DLGAP2: variants seen among roughly 807,000 people sequenced by gnomAD.
DLGAP2 encodes DLG associated protein 2.
DLGAP2 carries 26 observed loss-of-function variants against 100.3 expected under a neutral mutation model. The ratio of observed to expected loss-of-function variants is 0.26; its 90% CI spans 0.19 to 0.36. DLGAP2 has a LOEUF of 0.36. DLGAP2 is among the 10% of genes least tolerant of loss of function. The pLI, the probability that DLGAP2 is intolerant of heterozygous loss-of-function variation, is 1.00. For synonymous variants in DLGAP2, 886 were observed against 630.1 expected (o/e 1.41, Z -6.08); for missense variants, 1,858 against 1,453.2 (o/e 1.28, Z -4.53).
intron 2 of DLGAP2, among the ~76,000 whole-genome samples, chr8:952,850 T>C (rs1448905030): frequency 6.6e-6 from 1 of 152,186 alleles, no homozygotes; most frequent in Non-Finnish European, 1.5e-5. Context: ...CATGTTATTT[T>C]GGTTCAGGTA....
At chr8:1,091,149 C>G (rs1804167228) in intron 2 of DLGAP2, among the ~76,000 whole-genome samples, 1 of 152,176 alleles carries the variant, frequency 6.6e-6, no homozygotes, top group Admixed American at 6.5e-5. Context: ...ACAGCCCACC[C>G]CGGTTCTCTC....
chr8:878,291 G>A (rs1039889848), intron 1 of DLGAP2, among the ~76,000 whole-genome samples: 1 of 152,168 alleles, frequency 6.6e-6, no homozygotes, highest in African/African-American at 2.4e-5. Flanking sequence ...CAGAGCTAGA[G>A]TGTTTAGTTT....
chr8:1,457,776 C>G (rs974434254), intron 3 of DLGAP2, among the ~76,000 whole-genome samples: 1 of 151,868 alleles, frequency 6.6e-6, no homozygotes, highest in African/African-American at 2.4e-5. Flanking sequence ...GAAGGTTGCC[C>G]TTCCTCCCTC....
intron 2 of DLGAP2, among the ~76,000 whole-genome samples, chr8:1,164,359 T>G (rs1287262269): frequency 2.6e-5 from 4 of 151,734 alleles, no homozygotes; most frequent in African/African-American, 9.6e-5. Flanking sequence ...GCCCGTCGTT[T>G]TGGTTTGTGG....
At chr8:1,488,232 G>A (rs539474621) in intron 3 of DLGAP2, among the ~76,000 whole-genome samples, 9 of 152,146 alleles carry the variant, frequency 5.9e-5, no homozygotes, top group East Asian at 5.8e-4. Flanking sequence ...ACTCCCACCC[G>A]GCAGTTCACA....
chr8:771,569 C>G (rs1821361541), intron 1 of DLGAP2, among the ~76,000 whole-genome samples: 1 of 152,146 alleles, frequency 6.6e-6, no homozygotes, highest in Non-Finnish European at 1.5e-5. Context: ...ACTTTCAGTT[C>G]CAAATTAAAA....
chr8:1,123,402 G>T, intron 2 of DLGAP2, among the ~76,000 whole-genome samples: 1 of 152,192 alleles, frequency 6.6e-6, no homozygotes, highest in East Asian at 1.9e-4. Flanking sequence ...CACCCGGTCA[G>T]AATGAGACAC....
chr8:1,470,798 CT>C (rs1798764960), intron 3 of DLGAP2, among the ~76,000 whole-genome samples: 1 of 114,966 alleles, frequency 8.7e-6, no homozygotes, highest in Non-Finnish European at 1.9e-5. Flanking sequence ...TTCCCGACCC[CT>C]CCAGCCTTTC....
intron 3 of DLGAP2, among the ~76,000 whole-genome samples, chr8:1,382,854 TC>T (rs34689476): frequency 2.6e-5 from 4 of 151,890 alleles, no homozygotes; most frequent in African/African-American, 9.7e-5. Flanking sequence ...CTTTAGTATA[TC>T]CCCCCCAAAA....
At chr8:785,346 C>G (rs1034169154) in intron 1 of DLGAP2, among the ~76,000 whole-genome samples, 4 of 151,376 alleles carry the variant, frequency 2.6e-5, no homozygotes, top group African/African-American at 9.7e-5. Flanking sequence ...AAGCGGAGCT[C>G]TCATGAGGCA....
At chr8:768,395 A>G (rs531251129) in intron 1 of DLGAP2, among the ~76,000 whole-genome samples, 1 of 149,792 alleles carries the variant, frequency 6.7e-6, no homozygotes, top group African/African-American at 2.5e-5. Context: ...GGACTTCAGC[A>G]TGAACCAGGA....
intron 2 of DLGAP2, among the ~76,000 whole-genome samples, chr8:1,249,657 C>G (rs182544387): frequency 1.1e-4 from 16 of 152,236 alleles, no homozygotes; most frequent in African/African-American, 3.6e-4. Flanking sequence ...GCTGATTATT[C>G]ACACACAGCT....
intron 3 of DLGAP2, among the ~76,000 whole-genome samples, chr8:1,450,401 C>T (rs533833747): frequency 3.8e-5 from 5 of 131,498 alleles, no homozygotes; most frequent in African/African-American, 1.5e-4. Flanking sequence ...TGGGCGGCCT[C>T]GGTGGCTGAG....
intron 1 of DLGAP2, among the ~76,000 whole-genome samples, chr8:767,725 G>A (rs576369411): frequency 2.6e-5 from 4 of 152,282 alleles, no homozygotes; most frequent in East Asian, 1.9e-4. Context: ...ATATTTCTAC[G>A]GAGGTAGTGA....
intron 4 of DLGAP2, among the ~76,000 whole-genome samples, chr8:1,510,598 G>A (rs146732853): frequency 4.6e-5 from 7 of 152,308 alleles, no homozygotes; most frequent in African/African-American, 1.7e-4. Flanking sequence ...TGGTCAATAT[G>A]CTTAACGCCA....
intron 2 of DLGAP2, among the ~76,000 whole-genome samples, chr8:1,108,320 A>C (rs1563196468): frequency 6.6e-6 from 1 of 152,174 alleles, no homozygotes; most frequent in African/African-American, 2.4e-5. Context: ...AATTTCTGAA[A>C]GTTAACCACT....
At chr8:739,608 A>G (rs1820431092) in intron 1 of DLGAP2, 1 of 152,252 alleles carries the variant, frequency 6.6e-6, no homozygotes, top group Admixed American at 6.5e-5. Flanking sequence ...AAAAAATGGT[A>G]ATTCTTGGCA....
intron 2 of DLGAP2, among the ~76,000 whole-genome samples, chr8:1,196,015 A>T (rs1307089329): frequency 6.6e-6 from 1 of 152,190 alleles, no homozygotes; most frequent in Non-Finnish European, 1.5e-5. Flanking sequence ...GAGCAGAGTT[A>T]AGCTTCTCTC....
rs541942838 is a variant in DLGAP2 at position 752,364 on chromosome 8, C to T, written c.18+14539C>T. Among the ~76,000 whole-genome samples the T allele has an allele frequency of 3.9e-5, 6 of 152,326 alleles. No homozygotes were observed. The South Asian group carries it at 1.0e-3, about 26-fold the overall frequency. Reference sequence around the variant, plus strand: ...TCGCCTTCCTCCAGCCTAGTGTGCCCGGGCCGGTCTCACACCCATGGATTA... The same window carrying T: ...TCGCCTTCCTCCAGCCTAGTGTGCCTGGGCCGGTCTCACACCCATGGATTA... On this transcript the variant is annotated intron_variant, in intron 1 of 14. Transcript: ENST00000637795.
Sources: gnomAD v4.1 joint callset for allele counts (sites outside exome capture counted in the v4.1 genomes callset) on GRCh38, gnomAD v4.1.1 for gene constraint, MANE v1.5 for transcripts, NCBI Gene and HGNC (gene_info 2026-07-23, HGNC 2026-07-21) for gene names.